Variants in DOK2 observed in about 807,000 individuals in gnomAD.
DOK2 encodes docking protein 2.
A neutral mutation model predicts 26.0 loss-of-function variants in DOK2; 28 were observed. The observed-to-expected ratio is 1.08, with a 90% CI of 0.80 to 1.48. DOK2 has a LOEUF of 1.48. DOK2 is among the 40% of genes most tolerant of loss of function. The pLI, the probability that DOK2 is intolerant of heterozygous loss-of-function variation, is 0.00. For synonymous variants in DOK2, 282 were observed against 236.9 expected (o/e 1.19, Z -1.75); for missense variants, 682 against 558.2 (o/e 1.22, Z -2.23).
chr8:21,909,932 C>T lies in DOK2; in HGVS notation c.619-1G>A. 6 of 1,606,104 alleles carry T rather than the reference C, an allele frequency of 3.7e-6. No homozygotes were observed. Among genetic ancestry groups the T allele is most frequent in the Non-Finnish European group, 5.1e-6 (6 of 1,177,876 alleles). On this transcript the variant is annotated splice_acceptor_variant, in intron 4 of 4. Transcript: ENST00000276420. LOFTEE classifies it high-confidence loss of function. ...GGCCTGCCTCAAAGGAAAAGGTTACCTGGACCAGGGAGAAAGCAGGTTATT... is the reference window on the plus strand; with the variant it reads ...GGCCTGCCTCAAAGGAAAAGGTTACTTGGACCAGGGAGAAAGCAGGTTATT...
At position 21,913,675 on chromosome 8, in the gene DOK2, T is replaced by C; in HGVS notation, c.-74A>G. 1 of 1,554,224 alleles carries C rather than the reference T, an allele frequency of 6.4e-7. No individual in the cohort carries two copies. Among genetic ancestry groups the C allele is most frequent in the Non-Finnish European group, 8.9e-7 (1 of 1,128,780 alleles). On this transcript the variant is annotated 5_prime_UTR_variant, in exon 1 of 5. Coordinates refer to ENST00000276420, the MANE Select transcript of DOK2 (RefSeq NM_003974.4). ...GCCCTTGCCTCTCTCTTCTTAGCCG[T>C]GTGTTTCCCTTCTCTGAAGTTCATT...
Position 21,909,801 on chromosome 8 carries a change from G to T in DOK2, c.749C>A (p.Pro250His). ...EAISAQKNAAPATPQPQPATI... is the reference protein window; with the variant it reads ...EAISAQKNAAHATPQPQPATI... ...GGCTGGCTGCGGTTGGGGTGTAGCG[G>T]GTGCAGCATTCTTCTGGGCAGAGAT... Residue 250 changes from proline (P) to histidine (H), a missense_variant, in exon 5 of 5, where the codon CCC becomes CAC. Coordinates refer to ENST00000276420, the MANE Select transcript of DOK2 (RefSeq NM_003974.4). 1 of 1,613,956 alleles carries T rather than the reference G, an allele frequency of 6.2e-7. No homozygotes were observed. Among genetic ancestry groups the T allele is most frequent in the African/African-American group, 1.3e-5 (1 of 75,028 alleles).
chr8:21,910,865 G>C lies in DOK2; in HGVS notation c.434-8C>G. 1 of 1,593,314 alleles carries C rather than the reference G, an allele frequency of 6.3e-7. No homozygotes were observed. The highest frequency in any genetic ancestry group is 8.6e-7 in the Non-Finnish European group (1 of 1,169,128). ...ATTCCTTGTGGGGGCCGACTGGGGA[G>C]AAGAAGAGAGAGAAGGCGAAGGCAG... is the stretch of plus-strand genomic sequence containing the variant. On this transcript the variant is annotated splice_polypyrimidine_tract_variant and splice_region_variant and intron_variant, in intron 3 of 4. Coordinates refer to ENST00000276420, the MANE Select transcript of DOK2 (RefSeq NM_003974.4).
intron 1 of DOK2, 55 bp from the exon 2 acceptor site, chr8:21,912,565 G>C: frequency 6.9e-7 from 1 of 1,447,482 alleles, no homozygotes. Flanking sequence ...GAGACGGGGA[G>C]ATCGTGAGCC....
intron 3 of DOK2, 57 bp downstream of exon 3, chr8:21,911,844 C>T: frequency 6.6e-7 from 1 of 1,515,540 alleles, no homozygotes; most frequent in Non-Finnish European, 8.9e-7. Flanking sequence ...CACCTCCTCT[C>T]CACCTCACCC....
intron 1 of DOK2, among the ~76,000 whole-genome samples, chr8:21,912,892 C>T (rs1809914587): frequency 6.6e-6 from 1 of 152,160 alleles, no homozygotes; most frequent in Non-Finnish European, 1.5e-5. Flanking sequence ...AGGAGGGCGG[C>T]GTGTGACCCG....
chr8:21,910,758 G>C lies in DOK2; in HGVS notation c.533C>G (p.Ala178Gly). ...GSYTLRAGES[A>G]LELWGGPEPG... ...CTCGGGCCCACCCCACAGCTCCAGG[G>C]CACTCTCCCCAGCCCGGAGGGTATA... The change falls in exon 4 of 5, where the codon GCC becomes GGC. Residue 178 changes from alanine (A) to glycine (G), a missense_variant. Coordinates refer to ENST00000276420, the MANE Select transcript of DOK2 (RefSeq NM_003974.4). 1 of 1,613,926 alleles carries C rather than the reference G, an allele frequency of 6.2e-7. No homozygotes were observed. Among genetic ancestry groups the C allele is most frequent in the Non-Finnish European group, 8.5e-7 (1 of 1,179,956 alleles).
chr8:21,911,444 T>G (rs902188839), intron 3 of DOK2, among the ~76,000 whole-genome samples: 3 of 152,056 alleles, frequency 2.0e-5, no homozygotes, highest in Non-Finnish European at 4.4e-5. Flanking sequence ...CCGACTCTAC[T>G]AAAAATACAA....
chr8:21,911,125 CCT>C (rs560968263), intron 3 of DOK2: 20 of 475,848 alleles, frequency 4.2e-5, no homozygotes, highest in Non-Finnish European at 6.7e-5. Flanking sequence ...CCTTCCTGCC[CCT>C]GTCGCCAGAG....
chr8:21,912,543 G>A (rs1809900481), intron 1 of DOK2, 33 bp from the exon 2 acceptor site: 2 of 1,468,546 alleles, frequency 1.4e-6, no homozygotes, highest in Non-Finnish European at 1.8e-6. Flanking sequence ...GGGGGCGGGA[G>A]GGAGCCACCC....
At position 21,913,657 on chromosome 8, in the gene DOK2, CCT is replaced by C; in HGVS notation, c.-58_-57del. ...GCTCTCTCCTTCACTCCTGCCCTTG[CCT>C]CTCTCTTCTTAGCCGTGTGTTTCCC... On this transcript the variant is annotated 5_prime_UTR_variant, in exon 1 of 5. Coordinates refer to ENST00000276420, the MANE Select transcript of DOK2 (RefSeq NM_003974.4). The C allele has an allele frequency of 2.5e-6, 4 of 1,595,390 alleles. No individual in the cohort carries two copies. The highest frequency in any genetic ancestry group is 3.4e-6 in the Non-Finnish European group (4 of 1,164,114).
Position 21,913,550 on chromosome 8 carries a change from T to TCTG in DOK2, c.49_51dup (p.Gln17dup), listed in dbSNP as rs373747876. ...AGCCTCACTCCTACCTTTCCAAACG[T>TCTG]CTGCTGCTGCTGAAGATACAAGAAG... On this transcript the variant is annotated inframe_insertion, in exon 1 of 5. Coordinates refer to ENST00000276420, the MANE Select transcript of DOK2 (RefSeq NM_003974.4). 7 of 1,613,868 alleles carry TCTG rather than the reference T, an allele frequency of 4.3e-6. No individual in the cohort carries two copies. Among genetic ancestry groups the TCTG allele is most frequent in the African/African-American group, 4.0e-5 (3 of 74,960 alleles).
rs765221775 is a variant in DOK2 at position 21,910,666 on chromosome 8, C to T, written c.618+7G>A. On this transcript the variant is annotated splice_region_variant and intron_variant, in intron 4 of 4. Coordinates refer to ENST00000276420, the MANE Select transcript of DOK2 (RefSeq NM_003974.4). The stretch of plus-strand genomic sequence containing the variant: ...CTCAACCTGCCCTGATGCAGCTTCC[C>T]ACTCACCTTGTCCCGCCCAAAGCGC... 1.2e-6 allele frequency: 2 copies of T among 1,613,852 alleles called. No homozygotes were observed. Among genetic ancestry groups the T allele is most frequent in the Non-Finnish European group, 1.7e-6 (2 of 1,180,008 alleles).
In DOK2 at chr8:21,909,937, C is replaced by T; in HGVS notation, c.619-6G>A. 6.2e-7 allele frequency: 1 copy of T among 1,603,280 alleles called. No individual in the cohort carries two copies. Among genetic ancestry groups the T allele is most frequent in the Non-Finnish European group, 8.5e-7 (1 of 1,176,626 alleles). On this transcript the variant is annotated splice_polypyrimidine_tract_variant and splice_region_variant and intron_variant, in intron 4 of 4. Transcript: ENST00000276420. ...GCCTCAAAGGAAAAGGTTACCTGGA[C>T]CAGGGAGAAAGCAGGTTATTGGCCA...
chr8:21,911,908 T>C lies in DOK2; in HGVS notation c.426A>G (p.Ala142=), dbSNP rs145985153. 2.6e-6 allele frequency: 4 copies of C among 1,560,516 alleles called. No individual in the cohort carries two copies. Among genetic ancestry groups the C allele is most frequent in the South Asian group, 2.4e-5 (2 of 84,888 alleles). ...CMEENELYSS[A]VTVGPHKEFA... Reference sequence around the variant, plus strand: ...CAGCCCCCGCCCCCTCACCTGTGACTGCGCTGCTGTACAATTCATTTTCCT... The same window carrying C: ...CAGCCCCCGCCCCCTCACCTGTGACCGCGCTGCTGTACAATTCATTTTCCT... Residue 142 remains alanine, a synonymous_variant, in exon 3 of 5, where the codon GCA becomes GCG. Transcript: ENST00000276420.
At chr8:21,910,631 T>C in intron 4 of DOK2, 42 bp downstream of exon 4, 2 of 1,610,164 alleles carry the variant, frequency 1.2e-6, no homozygotes, top group Non-Finnish European at 8.5e-7. Flanking sequence ...GTTCGTAGCT[T>C]ATCCTTTCTC....
At position 21,912,423 on chromosome 8, in the gene DOK2, G is replaced by A. The variant is rs752492055; in HGVS notation, c.151C>T (p.Arg51Cys). 15 of 1,581,882 alleles carry A rather than the reference G, an allele frequency of 9.5e-6. No individual in the cohort carries two copies. Among genetic ancestry groups the A allele is most frequent in the Admixed American group, 7.1e-5 (4 of 56,402 alleles). The part of the protein sequence containing the change: ...LELQEGPEKP[R>C]RCEAARKVIR... Reference sequence around the variant, plus strand: ...ACCTTCCGGGCAGCCTCACACCGACGAGGCTTCTCCGGGCCCTCCTGCAGC... The same window carrying A: ...ACCTTCCGGGCAGCCTCACACCGACAAGGCTTCTCCGGGCCCTCCTGCAGC... The change falls in exon 2 of 5, where the codon CGT becomes TGT. Residue 51 changes from arginine (R) to cysteine (C), a missense_variant. Physicochemically the swap from Arg to Cys is radical, Grantham distance 180. Transcript: ENST00000276420.
In DOK2 at chr8:21,912,481, A is replaced by G. The variant is rs1406189179; in HGVS notation, c.93T>C (p.Tyr31=). The G allele has an allele frequency of 1.3e-6, 2 of 1,547,058 alleles. No homozygotes were observed. The highest frequency in any genetic ancestry group is 1.7e-6 in the Non-Finnish European group (2 of 1,147,792). Residue 31 remains tyrosine, a synonymous_variant, in exon 2 of 5, where the codon TAT becomes TAC. Transcript: ENST00000276420. ...KKWRRFGASL[Y]GGSDCALARL... is the part of the protein sequence containing the mutation. Reference sequence around the variant, plus strand: ...GGGCCAAGGCGCAGTCCGACCCTCCATACAGTGAGGCGCCGAAGCGGCGCC... The same window carrying G: ...GGGCCAAGGCGCAGTCCGACCCTCCGTACAGTGAGGCGCCGAAGCGGCGCC...
At position 21,912,212 on chromosome 8, in the gene DOK2, C is replaced by G; in HGVS notation, c.345+17G>C. 1.9e-6 allele frequency: 3 copies of G among 1,540,034 alleles called. No individual in the cohort carries two copies. The highest frequency in any genetic ancestry group is 2.6e-6 in the Non-Finnish European group (3 of 1,146,356). ...CCTGCACGCCCCCTTGCCCTTTCCGCACCCCGCGCGACTCACGGGGAAGGC... is the reference window on the plus strand; with the variant it reads ...CCTGCACGCCCCCTTGCCCTTTCCGGACCCCGCGCGACTCACGGGGAAGGC... On this transcript the variant is annotated intron_variant, in intron 2 of 4. Transcript: ENST00000276420.
Sources: gnomAD v4.1 joint callset for allele counts (sites outside exome capture counted in the v4.1 genomes callset) on GRCh38, gnomAD v4.1.1 for gene constraint, MANE v1.5 for transcripts, NCBI Gene and HGNC (gene_info 2026-07-23, HGNC 2026-07-21) for gene names.